The following SALL4 variants were observed in gnomAD, a reference collection of about 807,000 sequenced individuals.
SALL4 encodes spalt like transcription factor 4.
A neutral mutation model predicts 60.8 loss-of-function variants in SALL4; 4 were observed. The observed-to-expected ratio is 0.07, with a 90% CI of 0.03 to 0.15. The LOEUF is 0.15. SALL4 is among the 10% of genes least tolerant of loss of function. The probability of loss-of-function intolerance (pLI) is 1.00; values close to 1 mark genes in which losing one functional copy is unlikely to be tolerated. For synonymous variants in SALL4, 580 were observed against 574.9 expected (o/e 1.01, Z -0.13); for missense variants, 1,178 against 1,394.7 (o/e 0.84, Z 2.48).
rs1455968891 is a variant in SALL4 at position 51,788,548 on chromosome 20, G to A, written c.2742+313C>T. 1.3e-5 allele frequency among the ~76,000 whole-genome samples: 2 copies of A among 152,052 alleles called. No homozygotes were observed. The highest frequency in any genetic ancestry group is 1.5e-5 in the Non-Finnish European group (1 of 68,010). On this transcript the variant is annotated intron_variant, in intron 3 of 3. Coordinates refer to ENST00000217086, the MANE Select transcript of SALL4 (RefSeq NM_020436.5). This position sits in a 1 kb window ranked among gnomAD's most constrained non-coding sequence, Gnocchi z 4.1. ...TACTAAAAATACAAAAAAATTAGCC[G>A]GCCATGGTGGCGGACGCCTGTAGTC...
rs11469206 is a variant in SALL4, at chr20:51,801,919, A to AGGG, written c.130+357_130+359dup. ...GCGAGGGAGGGGGACCTAAGTTACAAGGGGGGGGGGTAACACCAGTGAGGG... is the reference window on the plus strand; with the variant it reads ...GCGAGGGAGGGGGACCTAAGTTACAAGGGGGGGGGGGGGTAACACCAGTGAGGG... On this transcript the variant is annotated intron_variant, in intron 1 of 3. Transcript: ENST00000217086. This position sits in a 1 kb window ranked among gnomAD's most constrained non-coding sequence, Gnocchi z 5.2. Among the ~76,000 whole-genome samples, 4 of 105,402 alleles carry AGGG rather than the reference A, an allele frequency of 3.8e-5. No homozygotes were observed. The highest frequency in any genetic ancestry group is 9.3e-5 in the Admixed American group (1 of 10,776). The allele number at this position is 105,402 out of a possible 152,430, so 69.1% of individuals were successfully genotyped here. A position where few individuals can be genotyped will look rare whatever the true frequency, so the allele number is the denominator to read the frequency against.
Position 51,791,945 on chromosome 20 carries a change from T to C in SALL4, c.538A>G (p.Asn180Asp). 6.2e-7 allele frequency: 1 copy of C among 1,614,238 alleles called. No homozygotes were observed. Among genetic ancestry groups the C allele is most frequent in the South Asian group, 1.1e-5 (1 of 91,090 alleles). Residue 180 changes from asparagine to aspartate, a missense_variant, in exon 2 of 4, where the codon AAT (asparagine) becomes GAT (aspartate). By Grantham distance (23) the Asn-to-Asp change is conservative (BLOSUM62 1). This residue lies in a region of SALL4 where 853 missense variants were observed against 1,036.8 expected (regional missense o/e 0.82). Coordinates refer to ENST00000217086, the MANE Select transcript of SALL4 (RefSeq NM_020436.5). The surrounding 1 kb of genome is among the most constrained non-coding windows in gnomAD (Gnocchi z 4.6). ...CCCCGTAGTGCCTGCAAGGTCACAT[T>C]AGTGTTGGCCACTTTGCCTTTGGCT... is the stretch of plus-strand genomic sequence containing the variant. ...YLAKGKVANTNVTLQALRGTK... is the reference protein window; with the variant it reads ...YLAKGKVANTDVTLQALRGTK...
chr20:51,784,157 T>C lies in SALL4; in HGVS notation c.*108A>G. The C allele has an allele frequency of 1.5e-6, 2 of 1,297,298 alleles. No individual in the cohort carries two copies. The highest frequency in any genetic ancestry group is 3.5e-5 in the Admixed American group (2 of 57,658). 80.4% of individuals were successfully genotyped at this position (1,297,298 alleles called of 1,614,324 possible). A position where few individuals can be genotyped will look rare whatever the true frequency, so the allele number is the denominator to read the frequency against. ...CACAACCAACGTAGTAAACATCATT[T>C]GCATATCAGTAAGAAAAAGAAAACA... On this transcript the variant is annotated 3_prime_UTR_variant, in exon 4 of 4. Coordinates refer to ENST00000217086, the MANE Select transcript of SALL4 (RefSeq NM_020436.5).
chr20:51,785,832 C>CG, intron 3 of SALL4, among the ~76,000 whole-genome samples: 1 of 151,564 alleles, frequency 6.6e-6, no homozygotes, highest in African/African-American at 2.4e-5. Flanking sequence ...TTAGTAGAGA[C>CG]GGGGTTTCAC....
At chr20:51,794,285 G>T (rs1411560732) in intron 1 of SALL4, among the ~76,000 whole-genome samples, 1 of 152,156 alleles carries the variant, frequency 6.6e-6, no homozygotes, top group Non-Finnish European at 1.5e-5. Flanking sequence ...TTAAATATCA[G>T]CTCCATTAAA....
At chr20:51,786,466 A>G (rs1007671429) in intron 3 of SALL4, among the ~76,000 whole-genome samples, 16 of 151,760 alleles carry the variant, frequency 1.1e-4, no homozygotes, top group Admixed American at 9.9e-4. Flanking sequence ...TCCTGGCCTC[A>G]AGCAATCCTC....
Position 51,784,647 on chromosome 20 carries a change from G to A in SALL4, c.2780C>T (p.Ala927Val). The change falls in exon 4 of 4, where the codon GCC becomes GTC. Residue 927 changes from alanine (A) to valine (V), a missense_variant. Physicochemically the swap from Ala to Val is moderately conservative, Grantham distance 64. Transcript: ENST00000217086. Reference protein sequence around the residue: ...YMTHGANNNSARRGRKLAIEN... With the variant: ...YMTHGANNNSVRRGRKLAIEN... ...GATGGCCAACTTCCTTCCACGGCGGGCTGAGTTATTGTTCGCCCCGTGTGT... is the reference window on the plus strand; with the variant it reads ...GATGGCCAACTTCCTTCCACGGCGGACTGAGTTATTGTTCGCCCCGTGTGT... 4 of 1,614,178 alleles carry A rather than the reference G, an allele frequency of 2.5e-6. No individual in the cohort carries two copies. The highest frequency in any genetic ancestry group is 3.4e-6 in the Non-Finnish European group (4 of 1,180,042).
In SALL4 at chr20:51,789,037, T is replaced by A. The variant is rs1258438292; in HGVS notation, c.2566A>T (p.Thr856Ser). 2.5e-6 allele frequency: 4 copies of A among 1,613,916 alleles called. No individual in the cohort carries two copies. Among genetic ancestry groups the A allele is most frequent in the Non-Finnish European group, 3.4e-6 (4 of 1,180,028 alleles). The stretch of plus-strand genomic sequence containing the variant: ...CGTGGCTGGGCTGCTAACAAAGGGG[T>A]CATCCCTGGGGACAATGTCGAGGGT... ...VGPSTLSPGMTPLLAAQPRRQ... is the reference protein window; with the variant it reads ...VGPSTLSPGMSPLLAAQPRRQ... Residue 856 changes from threonine (T) to serine (S), a missense_variant, in exon 3 of 4, where the codon ACC becomes TCC. Thr to Ser is a moderately conservative substitution (Grantham distance 58). This residue lies in a region of SALL4 where 853 missense variants were observed against 1,036.8 expected (regional missense o/e 0.82). Coordinates refer to ENST00000217086, the MANE Select transcript of SALL4 (RefSeq NM_020436.5).
intron 3 of SALL4, among the ~76,000 whole-genome samples, chr20:51,787,174 G>A (rs1042319108): frequency 6.6e-6 from 1 of 151,822 alleles, no homozygotes; most frequent in Non-Finnish European, 1.5e-5. Flanking sequence ...TACAATCCAG[G>A]ACTTTGGGAG....
chr20:51,795,656 C>T (rs540248623), intron 1 of SALL4, among the ~76,000 whole-genome samples: 1 of 152,294 alleles, frequency 6.6e-6, no homozygotes, highest in East Asian at 1.9e-4. Context: ...GAAGGAAATA[C>T]ACGCTGCTGG....
Position 51,801,491 on chromosome 20 carries a change from C to T in SALL4, c.130+788G>A, listed in dbSNP as rs1007190108. Reference sequence around the variant, plus strand: ...CACCCCGGCCACTGGGGGCTCGCACCCTCGGGCTTGCCGCGGTTATTTTTA... The same window carrying T: ...CACCCCGGCCACTGGGGGCTCGCACTCTCGGGCTTGCCGCGGTTATTTTTA... On this transcript the variant is annotated intron_variant, in intron 1 of 3. Coordinates refer to ENST00000217086, the MANE Select transcript of SALL4 (RefSeq NM_020436.5). This position sits in a 1 kb window ranked among gnomAD's most constrained non-coding sequence, Gnocchi z 5.2. 6.6e-6 allele frequency: 1 copy of T among 152,346 alleles called. No individual in the cohort carries two copies. Among genetic ancestry groups the T allele is most frequent in the Non-Finnish European group, 1.5e-5 (1 of 68,134 alleles). The allele number at this position is 152,346 out of a possible 1,614,324, so 9.4% of individuals were successfully genotyped here.
At position 51,784,273 on chromosome 20, in the gene SALL4, C is replaced by A; in HGVS notation, c.3154G>T (p.Val1052Phe). 1.9e-6 allele frequency: 3 copies of A among 1,613,884 alleles called. No individual in the cohort carries two copies. The highest frequency in any genetic ancestry group is 2.5e-6 in the Non-Finnish European group (3 of 1,180,044). ...TCCACGCAAGTTCTCCCTTAGCTGA[C>A]CGCAATCTTGTTTTCTTCCAGGAAG... ...PHFLEENKIA[V>F]S is the part of the protein sequence containing the mutation. The change falls in exon 4 of 4, where the codon GTC (valine) becomes TTC (phenylalanine). Residue 1052 changes from valine to phenylalanine, a missense_variant. Val to Phe is a conservative substitution (Grantham distance 50). Around this residue, in one of 5 missense-constraint regions of SALL4, gnomAD observed 174 missense variants for 169.6 expected, o/e 1.03. Transcript: ENST00000217086.
At position 51,784,444 on chromosome 20, in the gene SALL4, C is replaced by G; in HGVS notation, c.2983G>C (p.Val995Leu). ...NEISVIQSGG[V>L]PTLPVSLGAT... ...CCCAAGGAAACCGGGAGGGTAGGAACCCCCCCACTCTGGATCACAGAGATC... is the reference window on the plus strand; with the variant it reads ...CCCAAGGAAACCGGGAGGGTAGGAAGCCCCCCACTCTGGATCACAGAGATC... Residue 995 changes from valine to leucine, a missense_variant, in exon 4 of 4, where the codon GTT becomes CTT. By Grantham distance (32) the Val-to-Leu change is conservative (BLOSUM62 1). Transcript: ENST00000217086. The G allele has an allele frequency of 6.2e-7, 1 of 1,614,028 alleles. No individual in the cohort carries two copies. Among genetic ancestry groups the G allele is most frequent in the South Asian group, 1.1e-5 (1 of 91,066 alleles).
In SALL4 at chr20:51,782,811, C is replaced by T. The variant is rs1370126002; in HGVS notation, c.*1454G>A. The T allele has an allele frequency of 6.6e-6, 1 of 151,296 alleles. No individual in the cohort carries two copies. The highest frequency in any genetic ancestry group is 2.4e-5 in the African/African-American group (1 of 41,250). 9.4% of individuals were successfully genotyped at this position (151,296 alleles called of 1,614,324 possible). ...GCATCACAAAATCATCTTGAACGTT[C>T]ACCTCTTCCCACCAATACATCAACT... is the stretch of plus-strand genomic sequence containing the variant. On this transcript the variant is annotated 3_prime_UTR_variant, in exon 4 of 4. Transcript: ENST00000217086.
At chr20:51,798,925 G>C (rs999495671) in intron 1 of SALL4, among the ~76,000 whole-genome samples, 2 of 152,088 alleles carry the variant, frequency 1.3e-5, no homozygotes, top group African/African-American at 4.8e-5. Flanking sequence ...AAGACACCAT[G>C]GGCCATCAAG....
At chr20:51,800,788 G>A (rs2078105029) in intron 1 of SALL4, among the ~76,000 whole-genome samples, 2 of 146,322 alleles carry the variant, frequency 1.4e-5, no homozygotes, top group South Asian at 4.6e-4. Flanking sequence ...TGGGACCTCG[G>A]GTGCGCGCTG....
intron 1 of SALL4, among the ~76,000 whole-genome samples, 195 bp from the exon 2 acceptor site, chr20:51,792,547 G>A (rs1340381194): frequency 2.0e-5 from 3 of 151,812 alleles, no homozygotes; most frequent in Admixed American, 2.0e-4. Context: ...AAATTAGCTG[G>A]GCATGGTGGT....
chr20:51,793,367 A>G (rs964893404), intron 1 of SALL4, among the ~76,000 whole-genome samples: 9 of 151,978 alleles, frequency 5.9e-5, no homozygotes, highest in Non-Finnish European at 1.3e-4. Flanking sequence ...GTCCATGTAT[A>G]GTTCAAGCAA....
intron 1 of SALL4, among the ~76,000 whole-genome samples, chr20:51,796,147 C>A (rs1234858126): frequency 2.8e-5 from 4 of 141,880 alleles, no homozygotes; most frequent in Non-Finnish European, 4.5e-5. Context: ...TGCAGTGAGC[C>A]GAGATTGCGC....
Sources: allele counts gnomAD v4.1 joint callset (sites outside exome capture counted in the v4.1 genomes callset), GRCh38; gene constraint gnomAD v4.1.1; regional missense constraint gnomAD v4.1.1; non-coding constraint Gnocchi (gnomAD v3.1); transcripts MANE v1.5; gene names NCBI Gene and HGNC (gene_info 2026-07-23, HGNC 2026-07-21).